Variants in LCA5L observed in about 807,000 individuals in gnomAD.
LCA5L encodes the protein lebercilin-like protein.
LCA5L carries 35 observed loss-of-function variants against 45.4 expected under a neutral mutation model. That is an observed-to-expected ratio of 0.77 (90% CI 0.59 to 1.02). LCA5L has a LOEUF of 1.02. LCA5L is among the 50% of genes least tolerant of loss of function. The pLI, the probability that LCA5L is intolerant of heterozygous loss-of-function variation, is 0.00. For synonymous variants in LCA5L, 233 were observed against 264.7 expected, an observed-to-expected ratio of 0.88 and a Z score of 1.16; for missense variants, 668 against 761.6, an observed-to-expected ratio of 0.88 and a Z score of 1.45.
At chr21:39,433,022 A>C (rs1419594065) in intron 3 of LCA5L, among the ~76,000 whole-genome samples, 1 of 152,234 alleles carries the variant, frequency 6.6e-6, no homozygotes, top group Non-Finnish European at 1.5e-5. Flanking sequence ...TATGCTTTGC[A>C]AACATTTTCT....
At chr21:39,422,603 T>A in intron 6 of LCA5L, 1 of 321,466 alleles carries the variant, frequency 3.1e-6, no homozygotes, top group Non-Finnish European at 5.6e-6. Context: ...ATCAACAGTT[T>A]AAGGTAGAGG....
At chr21:39,434,240 A>G (rs1452520916) in intron 3 of LCA5L, among the ~76,000 whole-genome samples, 2 of 152,210 alleles carry the variant, frequency 1.3e-5, no homozygotes, top group East Asian at 1.9e-4. Context: ...GGCTATTACT[A>G]TAGTTGGCAA....
intron 7 of LCA5L, among the ~76,000 whole-genome samples, chr21:39,414,659 G>A (rs1200113734): frequency 1.3e-5 from 2 of 151,822 alleles, no homozygotes; most frequent in Non-Finnish European, 2.9e-5. Context: ...GTGATGCTGC[G>A]TGACTGCCAA....
intron 6 of LCA5L, chr21:39,422,147 G>C (rs377195807): frequency 5.5e-4 from 83 of 152,278 alleles, no homozygotes; most frequent in African/African-American, 1.9e-3. Context: ...AGAAATAACT[G>C]AGATTAAAAC....
In LCA5L at chr21:39,409,953, G is replaced by A. The variant is rs1601701022; in HGVS notation, c.1282+26C>T. ...TCACAATTTTAAAGAAATCAGATAAGATAGACTTTAAAGAGTTAAAATTAC... is the reference window on the plus strand; with the variant it reads ...TCACAATTTTAAAGAAATCAGATAAAATAGACTTTAAAGAGTTAAAATTAC... On this transcript the variant is annotated intron_variant, in intron 10 of 10. Transcript: ENST00000288350. This position sits in a 1 kb window ranked among gnomAD's most constrained non-coding sequence, Gnocchi z 4.2. 1 of 1,248,304 alleles carries A rather than the reference G, an allele frequency of 8.0e-7. No individual in the cohort carries two copies. The highest frequency in any genetic ancestry group is 1.2e-6 in the Non-Finnish European group (1 of 860,032). 77.3% of individuals were successfully genotyped at this position (1,248,304 alleles called of 1,614,324 possible).
intron 3 of LCA5L, among the ~76,000 whole-genome samples, chr21:39,434,676 C>A (rs892583915): frequency 6.6e-6 from 1 of 151,904 alleles, no homozygotes; most frequent in Non-Finnish European, 1.5e-5. Flanking sequence ...TACCACCATG[C>A]CTGGCTAATA....
intron 3 of LCA5L, among the ~76,000 whole-genome samples, chr21:39,433,341 C>T (rs1400993225): frequency 6.6e-6 from 1 of 150,784 alleles, no homozygotes; most frequent in Non-Finnish European, 1.5e-5. Flanking sequence ...TTGCTTGAAC[C>T]CAGGAGGTGG....
chr21:39,429,226 A>G lies in LCA5L; in HGVS notation c.-91-15T>C, dbSNP rs1301739565. On this transcript the variant is annotated splice_polypyrimidine_tract_variant and intron_variant, in intron 3 of 10. Coordinates refer to ENST00000288350, the MANE Select transcript of LCA5L (RefSeq NM_152505.4). ...TCTCAATTCTCCTGTTTTATCAAGA[A>G]AGCAAAAGAGAATTTAACTGGCATT... is the stretch of plus-strand genomic sequence containing the variant. The G allele has an allele frequency of 6.6e-6, 1 of 152,200 alleles. No individual in the cohort carries two copies. Among genetic ancestry groups the G allele is most frequent in the Non-Finnish European group, 1.5e-5 (1 of 68,034 alleles). 9.4% of individuals were successfully genotyped at this position (152,200 alleles called of 1,614,324 possible).
In LCA5L at chr21:39,420,001, T is replaced by C. The variant is rs62225176; in HGVS notation, c.975+705A>G. 5.0e-3 allele frequency among the ~76,000 whole-genome samples: 765 copies of C among 152,216 alleles called. 6 individuals carry two copies. Among genetic ancestry groups the C allele is most frequent in the Admixed American group, 8.8e-3 (134 of 15,292 alleles). On this transcript the variant is annotated intron_variant, in intron 7 of 10. Transcript: ENST00000288350. ...AGTCATTAAAATTTATCTTAAATAT[T>C]ATGTTTTTAAACGTTAATTTTGAGT...
chr21:39,439,384 T>C (rs2076592941), intron 2 of LCA5L, among the ~76,000 whole-genome samples: 1 of 152,184 alleles, frequency 6.6e-6, no homozygotes, highest in Non-Finnish European at 1.5e-5. Flanking sequence ...ATAAATTTGT[T>C]TGAAGCCACT....
chr21:39,406,254 G>T lies in LCA5L; in HGVS notation c.1641C>A (p.Gly547=). ...CTGTACTATGACTGTACCTCATGTT[G>T]CCGGCATTGGCTGGCCCCCCTGAAG... ...LPASGGPANA[G]NMRYSHSTGK... is the part of the protein sequence containing the mutation. Residue 547 remains glycine (G), a synonymous_variant, in exon 11 of 11, where the codon GGC becomes GGA. Transcript: ENST00000288350. 6.2e-7 allele frequency: 1 copy of T among 1,614,176 alleles called. No individual in the cohort carries two copies. The highest frequency in any genetic ancestry group is 8.5e-7 in the Non-Finnish European group (1 of 1,180,042).
intron 3 of LCA5L, among the ~76,000 whole-genome samples, chr21:39,429,949 A>C (rs142026030): frequency 6.6e-6 from 1 of 152,176 alleles, no homozygotes; most frequent in African/African-American, 2.4e-5. Context: ...CAGGAGGCAG[A>C]GGTTGCAGTG....
In LCA5L at chr21:39,424,695, C is replaced by CTAT. The variant is rs151106119; in HGVS notation, c.323-1206_323-1205insATA. On this transcript the variant is annotated intron_variant, in intron 5 of 10. Transcript: ENST00000288350. ...GTCATCAAATTGCATAAGAGTCTAT[C>CTAT]TGTTTATACAGATACCGATTTTCCA... Among the ~76,000 whole-genome samples, 339 of 152,272 alleles carry CTAT rather than the reference C, an allele frequency of 2.2e-3. 4 individuals are homozygous for CTAT. The highest frequency in any genetic ancestry group is 7.7e-3 in the African/African-American group (321 of 41,538).
chr21:39,434,241 T>C (rs543758707), intron 3 of LCA5L, among the ~76,000 whole-genome samples: 1 of 152,352 alleles, frequency 6.6e-6, no homozygotes, highest in South Asian at 2.1e-4. Context: ...GCTATTACTA[T>C]AGTTGGCAAT....
At chr21:39,407,792 G>A (rs564345850) in intron 10 of LCA5L, 1 of 152,344 alleles carries the variant, frequency 6.6e-6, no homozygotes, top group South Asian at 2.1e-4. Context: ...ACACTTTCTA[G>A]GACACTATGA....
intron 7 of LCA5L, among the ~76,000 whole-genome samples, chr21:39,414,728 C>CTG (rs2040758504): frequency 8.7e-6 from 1 of 115,006 alleles, no homozygotes; most frequent in African/African-American, 3.7e-5. Flanking sequence ...CTCTCTCTCT[C>CTG]TCTCTCTCTC....
At chr21:39,415,080 T>C (rs2040899498) in intron 7 of LCA5L, among the ~76,000 whole-genome samples, 1 of 152,146 alleles carries the variant, frequency 6.6e-6, no homozygotes, top group Non-Finnish European at 1.5e-5. Flanking sequence ...TTCTAAATTT[T>C]TTTGTAGAGA....
chr21:39,429,007 G>A (rs1218003652), intron 4 of LCA5L, 124 bp downstream of exon 4: 1 of 152,030 alleles, frequency 6.6e-6, no homozygotes, highest in East Asian at 1.9e-4. Flanking sequence ...ATACAAGAAA[G>A]ACCCCAAATT....
At chr21:39,435,826 C>T (rs1278568912) in intron 2 of LCA5L, among the ~76,000 whole-genome samples, 9 of 152,052 alleles carry the variant, frequency 5.9e-5, no homozygotes, top group African/African-American at 1.7e-4. Flanking sequence ...TTAGTACAGA[C>T]GGGGTTTTAC....
Sources: allele counts gnomAD v4.1 joint callset (sites outside exome capture counted in the v4.1 genomes callset), GRCh38; gene constraint gnomAD v4.1.1; non-coding constraint Gnocchi (gnomAD v3.1); transcripts MANE v1.5; gene names NCBI Gene and HGNC (gene_info 2026-07-23, HGNC 2026-07-21).